POLR3B: variants seen among roughly 807,000 people sequenced by gnomAD.
POLR3B encodes the protein DNA-directed RNA polymerase III subunit RPC2.
In POLR3B, 96 loss-of-function variants were observed where a neutral mutation model predicts 147.4. That is an observed-to-expected ratio of 0.65 (90% confidence interval 0.55 to 0.77). The LOEUF is 0.77. Among genes scored for constraint, POLR3B ranks in the 30% least tolerant of loss-of-function variants. The probability of loss-of-function intolerance (pLI) is 0.00; values close to 1 mark genes in which losing one functional copy is unlikely to be tolerated. For synonymous variants in POLR3B, 461 were observed against 485.9 expected (o/e 0.95, Z 0.67); for missense variants, 1,036 against 1,413.5 (o/e 0.73, Z 4.28).
In POLR3B at chr12:106,444,460, T is replaced by A. The variant is rs747808046; in HGVS notation, c.1956-3T>A. 104 of 1,613,902 alleles carry A rather than the reference T, an allele frequency of 6.4e-5. No individual in the cohort carries two copies. Among genetic ancestry groups the A allele is most frequent in the Non-Finnish European group, 8.4e-5 (99 of 1,179,954 alleles). ...GATATGTGATTTTTACTTAACTTGT[T>A]AGAGACACCACCCACTTGGAGATTG... On this transcript the variant is annotated splice_polypyrimidine_tract_variant and splice_region_variant and intron_variant, in intron 18 of 27. Transcript: ENST00000228347.
intron 16 of POLR3B, among the ~76,000 whole-genome samples, chr12:106,434,084 C>T (rs2037545402): frequency 6.6e-6 from 1 of 152,160 alleles, no homozygotes; most frequent in African/African-American, 2.4e-5. Context: ...AGAGCTCAGT[C>T]TGCCGGGAAA....
chr12:106,446,227 C>T (rs1198648977), intron 19 of POLR3B: 4 of 455,654 alleles, frequency 8.8e-6, no homozygotes, highest in South Asian at 1.6e-5. Context: ...TGAAACAATA[C>T]ACCTTTTGTG....
At chr12:106,371,892 A>G (rs1219059500) in intron 6 of POLR3B, among the ~76,000 whole-genome samples, 2 of 151,966 alleles carry the variant, frequency 1.3e-5, no homozygotes, top group Non-Finnish European at 2.9e-5. Context: ...ATACATATGT[A>G]ACTAACCTGC....
intron 16 of POLR3B, among the ~76,000 whole-genome samples, chr12:106,434,674 G>A (rs181041551): frequency 6.6e-6 from 1 of 152,028 alleles, no homozygotes. Context: ...TAGCATTACC[G>A]TAGTTATTCT....
intron 23 of POLR3B, 164 bp from the exon 24 acceptor site, chr12:106,495,891 C>A: frequency 2.8e-6 from 2 of 716,840 alleles, no homozygotes; most frequent in African/African-American, 1.7e-5. Context: ...AACTGTTTGT[C>A]AAGCAGGATT....
Position 106,369,661 on chromosome 12 carries a change from C to G in POLR3B, c.382C>G (p.Arg128Gly), listed in dbSNP as rs369609747. Residue 128 changes from arginine (R) to glycine (G), a missense_variant, in exon 6 of 28, where the codon CGC becomes GGC. By Grantham distance (125) the Arg-to-Gly change is moderately radical. This residue lies in a region of POLR3B where 217 missense variants were observed against 288.7 expected (regional missense o/e 0.75). Transcript: ENST00000228347. ...EYTRGSQRII[R>G]NALPIGRMPI... ...TACCCGAGGCAGCCAGAGGATCATC[C>G]GCAATGCCTTACCTATCGGCAGGTG... The G allele has an allele frequency of 2.5e-6, 4 of 1,609,706 alleles. No individual in the cohort carries two copies. The highest frequency in any genetic ancestry group is 3.4e-6 in the Non-Finnish European group (4 of 1,176,058).
intron 1 of POLR3B, among the ~76,000 whole-genome samples, chr12:106,363,257 C>T (rs1379023351): frequency 6.6e-6 from 1 of 152,216 alleles, no homozygotes; most frequent in Non-Finnish European, 1.5e-5. Flanking sequence ...TTTGTTGCCT[C>T]CTTGACATTT....
At chr12:106,400,495 T>G (rs1366247553) in intron 10 of POLR3B, among the ~76,000 whole-genome samples, 1 of 152,036 alleles carries the variant, frequency 6.6e-6, no homozygotes, top group Non-Finnish European at 1.5e-5. Flanking sequence ...TCTACAGAAC[T>G]CTCCACCCCA....
intron 6 of POLR3B, among the ~76,000 whole-genome samples, chr12:106,373,703 G>A (rs11112956): frequency 0.38 from 57,777 of 151,722 alleles, 12,810 homozygotes; most frequent in African/African-American, 0.61. Flanking sequence ...GCAGTGAGCC[G>A]AGATTGTGCC....
intron 6 of POLR3B, among the ~76,000 whole-genome samples, chr12:106,372,296 G>A (rs1326795355): frequency 6.6e-6 from 1 of 151,006 alleles, no homozygotes; most frequent in Non-Finnish European, 1.5e-5. Context: ...TTTTTTCTGG[G>A]GGTTATTACA....
chr12:106,491,821 A>T (rs1422265059), intron 23 of POLR3B, among the ~76,000 whole-genome samples: 2 of 152,180 alleles, frequency 1.3e-5, no homozygotes, highest in African/African-American at 4.8e-5. Flanking sequence ...ATTGAGGGAA[A>T]TGATTCTTTT....
Position 106,475,704 on chromosome 12 carries a change from T to C in POLR3B, c.2713+12084T>C, listed in dbSNP as rs1206379645. ...TGATTGCAACCCCTGCCTTTTTTTG[T>C]TTTCCATTTGCTTGGTAGATCTTCC... is the stretch of plus-strand genomic sequence containing the variant. On this transcript the variant is annotated intron_variant, in intron 23 of 27. Coordinates refer to ENST00000228347, the MANE Select transcript of POLR3B (RefSeq NM_018082.6). 2.0e-5 allele frequency among the ~76,000 whole-genome samples: 3 copies of C among 147,318 alleles called. No homozygotes were observed. In the East Asian group the frequency reaches 5.9e-4, roughly 29 times the overall value.
At chr12:106,432,216 C>T in intron 14 of POLR3B, 102 bp from the exon 15 acceptor site, 2 of 1,044,936 alleles carry the variant, frequency 1.9e-6, no homozygotes, top group East Asian at 2.4e-5. Context: ...AGTTGTACTG[C>T]TTTGCATTGC....
intron 26 of POLR3B, among the ~76,000 whole-genome samples, 162 bp from the exon 27 acceptor site, chr12:106,503,919 A>G (rs569702622): frequency 6.6e-6 from 1 of 152,350 alleles, no homozygotes; most frequent in Admixed American, 6.5e-5. Flanking sequence ...ATGCACTTTT[A>G]CAAATGAGGC....
At chr12:106,419,224 G>A (rs2037343612) in intron 12 of POLR3B, among the ~76,000 whole-genome samples, 1 of 152,140 alleles carries the variant, frequency 6.6e-6, no homozygotes, top group Admixed American at 6.5e-5. Flanking sequence ...CTCACTGTAA[G>A]AAAGGATTAA....
intron 23 of POLR3B, among the ~76,000 whole-genome samples, chr12:106,492,833 T>C (rs751310991): frequency 1.3e-5 from 2 of 152,228 alleles, no homozygotes; most frequent in Non-Finnish European, 2.9e-5. Context: ...ATTTTGTCGA[T>C]TGGGGTATTG....
In POLR3B at chr12:106,454,683, T is replaced by A. The variant is rs1565901520; in HGVS notation, c.2265T>A (p.Leu755=). ...SYSGYDIEDA[L]VLNKASLDRG... ...GTGGCTATGATATTGAAGATGCTCT[T>A]GTTTTAAACAAGGCCTCTTTAGACA... Residue 755 remains leucine, a synonymous_variant, in exon 20 of 28, where the codon CTT becomes CTA. Coordinates refer to ENST00000228347, the MANE Select transcript of POLR3B (RefSeq NM_018082.6). 1 of 1,609,616 alleles carries A rather than the reference T, an allele frequency of 6.2e-7. No homozygotes were observed. The highest frequency in any genetic ancestry group is 8.5e-7 in the Non-Finnish European group (1 of 1,176,032).
chr12:106,496,491 C>A, intron 24 of POLR3B: 1 of 599,378 alleles, frequency 1.7e-6, no homozygotes, highest in Non-Finnish European at 2.9e-6. Flanking sequence ...CCACCTCTTA[C>A]CAGCTGTGTG....
chr12:106,491,342 C>T (rs950804965), intron 23 of POLR3B, among the ~76,000 whole-genome samples: 3 of 152,156 alleles, frequency 2.0e-5, no homozygotes, highest in Admixed American at 2.0e-4. Flanking sequence ...TCACCCAATT[C>T]CTCGATTCAC....
Sources: gnomAD v4.1 joint callset for allele counts (sites outside exome capture counted in the v4.1 genomes callset) on GRCh38, gnomAD v4.1.1 for gene constraint, gnomAD v4.1.1 regional missense constraint, MANE v1.5 for transcripts, NCBI Gene and HGNC (gene_info 2026-07-23, HGNC 2026-07-21) for gene names.